SLC34A2: variants seen among roughly 807,000 people sequenced by gnomAD.
The protein encoded by SLC34A2 is sodium-dependent phosphate transport protein 2B.
SLC34A2 carries 41 observed loss-of-function variants against 50.8 expected under a neutral mutation model. That is an observed-to-expected ratio of 0.81 (90% CI 0.63 to 1.05). The LOEUF (loss-of-function observed/expected upper bound fraction) is 1.05, where lower values mean the gene tolerates loss of function less well. SLC34A2 is among the 50% of genes least tolerant of loss of function. SLC34A2 has a pLI of 0.00. For synonymous variants in SLC34A2, 401 were observed against 364.2 expected (o/e 1.10, Z -1.15); for missense variants, 879 against 876.7 (o/e 1.00, Z -0.03).
At chr4:25,671,291 C>T (rs1485970607) in intron 8 of SLC34A2, among the ~76,000 whole-genome samples, 1 of 152,124 alleles carries the variant, frequency 6.6e-6, no homozygotes, top group African/African-American at 2.4e-5. Context: ...CTGCTTTGCA[C>T]CTGGGTTGTG....
intron 12 of SLC34A2, among the ~76,000 whole-genome samples, chr4:25,675,155 C>A (rs1372327600): frequency 6.6e-6 from 1 of 152,212 alleles, no homozygotes; most frequent in African/African-American, 2.4e-5. Context: ...CCTCAGCCTC[C>A]CGAGCAGCTG....
chr4:25,662,855 C>T lies in SLC34A2; in HGVS notation c.250+13C>T, dbSNP rs1714283524. On this transcript the variant is annotated intron_variant, in intron 3 of 12. Transcript: ENST00000382051. Reference sequence around the variant, plus strand: ...ATCAAGTGGTCAGGTAAAAGTGAGGCCAGCTGAGACATTCAGGAGGGAAAC... The same window carrying T: ...ATCAAGTGGTCAGGTAAAAGTGAGGTCAGCTGAGACATTCAGGAGGGAAAC... 4.3e-6 allele frequency: 7 copies of T among 1,613,768 alleles called. No homozygotes were observed. The East Asian group carries it at 1.1e-4, about 26-fold the overall frequency.
chr4:25,674,331 C>A lies in SLC34A2; in HGVS notation c.1252C>A (p.Leu418Met), dbSNP rs780731923. 1.9e-6 allele frequency: 3 copies of A among 1,614,178 alleles called. No individual in the cohort carries two copies. Among genetic ancestry groups the A allele is most frequent in the African/African-American group, 1.3e-5 (1 of 75,026 alleles). The change falls in exon 11 of 13, where the codon CTG (leucine) becomes ATG (methionine). Residue 418 changes from leucine to methionine, a missense_variant. Coordinates refer to ENST00000382051, the MANE Select transcript of SLC34A2 (RefSeq NM_006424.3). ...TCCCTTTGCATGGTTGACTGGCTAC[C>A]TGGCCATCCTCGTCGGGGCAGGCAT... ...PFPFAWLTGYLAILVGAGMTF... is the reference protein window; with the variant it reads ...PFPFAWLTGYMAILVGAGMTF...
chr4:25,668,054 A>G, intron 6 of SLC34A2, 63 bp downstream of exon 6: 1 of 1,015,490 alleles, frequency 9.8e-7, no homozygotes, highest in Non-Finnish European at 1.6e-6. Flanking sequence ...CGCTGTTGTA[A>G]CTGCTTTTAA....
chr4:25,666,384 T>A, intron 5 of SLC34A2, 113 bp downstream of exon 5: 10 of 1,221,910 alleles, frequency 8.2e-6, no homozygotes, highest in Non-Finnish European at 1.0e-5. Context: ...CTTGCCACCA[T>A]TGTCTTGGTA....
rs151298748 is a variant in SLC34A2 at position 25,676,419 on chromosome 4, C to A, written c.1743C>A (p.Arg581=). 24 of 1,613,930 alleles carry A rather than the reference C, an allele frequency of 1.5e-5. No homozygotes were observed. The African/African-American group carries it at 2.9e-4, about 20-fold the overall frequency. The stretch of plus-strand genomic sequence containing the variant: ...GACTCCTGCAGTCTCGCTGCCCACG[C>A]GTCCTGCCGAAGAAACTCCAGAACT... The part of the protein sequence containing the change: ...CLRLLQSRCP[R]VLPKKLQNWN... Residue 581 remains arginine, a synonymous_variant, in exon 13 of 13, where the codon CGC becomes CGA. Transcript: ENST00000382051.
chr4:25,666,459 G>A (rs1313772436), intron 5 of SLC34A2, among the ~76,000 whole-genome samples, 188 bp downstream of exon 5: 2 of 152,142 alleles, frequency 1.3e-5, no homozygotes. Flanking sequence ...CATTTCGATG[G>A]CAGGATCTGG....
intron 4 of SLC34A2, among the ~76,000 whole-genome samples, chr4:25,665,880 G>T (rs1470295482): frequency 6.6e-6 from 1 of 152,100 alleles, no homozygotes; most frequent in East Asian, 1.9e-4. Context: ...ACAGTGGGTC[G>T]GGAACCAGGG....
chr4:25,670,961 C>A, intron 8 of SLC34A2, 128 bp downstream of exon 8: 1 of 767,000 alleles, frequency 1.3e-6, no homozygotes, highest in Non-Finnish European at 2.2e-6. Context: ...CCTGAAAAAT[C>A]AAAAGTGACC....
At chr4:25,666,483 T>G (rs1353721737) in intron 5 of SLC34A2, among the ~76,000 whole-genome samples, 1 of 152,244 alleles carries the variant, frequency 6.6e-6, no homozygotes, top group Non-Finnish European at 1.5e-5. Flanking sequence ...TAGACCCTGC[T>G]GCTGGAGTTC....
At position 25,676,187 on chromosome 4, in the gene SLC34A2, C is replaced by T; in HGVS notation, c.1511C>T (p.Pro504Leu). ...ATCTCCGGCATCTTGCTGTGGTACC[C>T]GATCCCGTTCACTCGCCTGCCCATC... ...FNISGILLWY[P>L]IPFTRLPIRM... Residue 504 changes from proline to leucine, a missense_variant, in exon 13 of 13, where the codon CCG becomes CTG. By Grantham distance (98) the Pro-to-Leu change is moderately conservative. Transcript: ENST00000382051. The T allele has an allele frequency of 4.3e-6, 7 of 1,614,160 alleles. No individual in the cohort carries two copies. The highest frequency in any genetic ancestry group is 1.3e-5 in the African/African-American group (1 of 75,048).
chr4:25,660,027 T>A (rs1714096312), intron 1 of SLC34A2, among the ~76,000 whole-genome samples: 1 of 152,232 alleles, frequency 6.6e-6, no homozygotes, highest in Non-Finnish European at 1.5e-5. Context: ...AATGGCATGC[T>A]CTTACAATGC....
rs961085809 is a variant in SLC34A2, at chr4:25,662,415, G to T, written c.-3-83G>T. On this transcript the variant is annotated intron_variant, in intron 1 of 12. Coordinates refer to ENST00000382051, the MANE Select transcript of SLC34A2 (RefSeq NM_006424.3). ...GAAACCCCCACCCAGTTGATGCTTT[G>T]CAACCAATGGTTCTTCCTCTTATAG... The T allele has an allele frequency of 2.7e-5, 34 of 1,281,452 alleles. No homozygotes were observed. The East Asian group carries it at 8.0e-4, about 30-fold the overall frequency. 79.4% of individuals were successfully genotyped at this position (1,281,452 alleles called of 1,614,324 possible). A position where few individuals can be genotyped will look rare whatever the true frequency, so the allele number is the denominator to read the frequency against.
At chr4:25,670,428 T>G (rs1461875504) in intron 7 of SLC34A2, among the ~76,000 whole-genome samples, 1 of 152,182 alleles carries the variant, frequency 6.6e-6, no homozygotes, top group Admixed American at 6.5e-5. Flanking sequence ...TCAACACCAG[T>G]GGACTTGATA....
intron 4 of SLC34A2, 137 bp from the exon 5 acceptor site, chr4:25,665,991 T>C: frequency 3.0e-6 from 3 of 1,014,142 alleles, no homozygotes; most frequent in African/African-American, 1.6e-5. Context: ...ATTCCTTGGG[T>C]GCCTGCAGCG....
At chr4:25,667,628 C>G (rs1027965689) in intron 5 of SLC34A2, among the ~76,000 whole-genome samples, 3 of 152,224 alleles carry the variant, frequency 2.0e-5, no homozygotes, top group Admixed American at 2.0e-4. Flanking sequence ...CCACCTAAGT[C>G]CTTAATCAGT....
chr4:25,661,553 A>G (rs1363009866), intron 1 of SLC34A2, among the ~76,000 whole-genome samples: 4 of 151,830 alleles, frequency 2.6e-5, no homozygotes, highest in Non-Finnish European at 5.9e-5. Context: ...ATCCCCTGCT[A>G]ATTTTTGTAT....
intron 1 of SLC34A2, among the ~76,000 whole-genome samples, chr4:25,660,116 T>C (rs1272892919): frequency 1.3e-5 from 2 of 152,358 alleles, no homozygotes; most frequent in East Asian, 3.9e-4. Flanking sequence ...AGCAAATATC[T>C]TTTTGGTCTA....
Position 25,676,368 on chromosome 4 carries a change from C to G in SLC34A2, c.1692C>G (p.Phe564Leu), listed in dbSNP as rs753711680. 1 of 1,614,226 alleles carries G rather than the reference C, an allele frequency of 6.2e-7. No individual in the cohort carries two copies. Among genetic ancestry groups the G allele is most frequent in the Non-Finnish European group, 8.5e-7 (1 of 1,180,044 alleles). Residue 564 changes from phenylalanine to leucine, a missense_variant, in exon 13 of 13, where the codon TTC (phenylalanine) becomes TTG (leucine). Transcript: ENST00000382051. ...TTGGTGTCGGGGTTCCCGTCGTCTTCATCATCATCCTGGTACTGTGCCTCC... is the reference window on the plus strand; with the variant it reads ...TTGGTGTCGGGGTTCCCGTCGTCTTGATCATCATCCTGGTACTGTGCCTCC... ...VLVGVGVPVV[F>L]IIILVLCLRL...
Sources: allele counts gnomAD v4.1 joint callset (sites outside exome capture counted in the v4.1 genomes callset), GRCh38; gene constraint gnomAD v4.1.1; transcripts MANE v1.5; gene names NCBI Gene and HGNC (gene_info 2026-07-23, HGNC 2026-07-21).